OR1F1: variants seen among roughly 807,000 people sequenced by gnomAD.
The protein encoded by OR1F1 is olfactory receptor family 1 subfamily F member 1, also known as olfactory receptor 1F1.
For synonymous variants in OR1F1, 184 were observed against 156.7 expected (o/e 1.17, Z -1.30); for missense variants, 493 against 376.3 (o/e 1.31, Z -2.57).
the OR1F1 span, among the ~76,000 whole-genome samples, chr16:3,197,678 A>T: frequency 7.4e-6 from 1 of 134,646 alleles, no homozygotes; most frequent in African/African-American, 2.8e-5. Context: ...GGCTGGGGAG[A>T]GAGGGAGAGG....
At chr16:3,203,350 G>A (rs879896413), upstream of OR1F1, among the ~76,000 whole-genome samples, 3 of 152,200 alleles carry the variant, frequency 2.0e-5, no homozygotes, top group Non-Finnish European at 2.9e-5. Context: ...GAGATACTCA[G>A]CCTCAAAGCT....
At chr16:3,188,782 G>T in the OR1F1 span, among the ~76,000 whole-genome samples, 1 of 152,224 alleles carries the variant, frequency 6.6e-6, no homozygotes, top group Non-Finnish European at 1.5e-5. Flanking sequence ...ACAGGGAAGG[G>T]CAGAGTGACA....
At chr16:3,202,609 G>A (rs1161114066), upstream of OR1F1, among the ~76,000 whole-genome samples, 2 of 150,992 alleles carry the variant, frequency 1.3e-5, no homozygotes, top group African/African-American at 4.9e-5. Context: ...GGGCATGGTA[G>A]TGCACGCCTG....
chr16:3,193,147 G>C, the OR1F1 span, among the ~76,000 whole-genome samples: 5 of 151,958 alleles, frequency 3.3e-5, no homozygotes, highest in Non-Finnish European at 5.9e-5. Context: ...GGCTGGCCTC[G>C]AACTCCTGAC....
chr16:3,205,088 T>A lies in OR1F1; in HGVS notation c.842T>A (p.Val281Glu), dbSNP rs551098555. The change falls in exon 1 of 1, where the codon GTG becomes GAG. Residue 281 changes from valine (V) to glutamate (E), a missense_variant. Physicochemically the swap from Val to Glu is moderately radical, Grantham distance 121. Coordinates refer to ENST00000304646, the Ensembl canonical transcript of OR1F1. ...ATGGCTACTGTGTTGTATACAGTAG[T>A]GACTCCCATGCTAAACCCTTTCATC... The A allele has an allele frequency of 2.5e-5, 41 of 1,613,802 alleles. No homozygotes were observed. In the Admixed American group the frequency reaches 5.0e-4, roughly 20 times the overall value.
upstream of OR1F1, among the ~76,000 whole-genome samples, chr16:3,202,004 G>A (rs1958140213): frequency 6.6e-6 from 1 of 152,228 alleles, no homozygotes; most frequent in Non-Finnish European, 1.5e-5. Flanking sequence ...GGAGCAGTCA[G>A]GCAGCTGTAA....
upstream of OR1F1, among the ~76,000 whole-genome samples, chr16:3,201,299 T>C (rs972197712): frequency 6.6e-6 from 1 of 152,240 alleles, no homozygotes; most frequent in African/African-American, 2.4e-5. Flanking sequence ...AAATATCTGT[T>C]TGAGTCCCTG....
chr16:3,204,825 C>A, exon 1 of OR1F1: 1 of 1,614,162 alleles, frequency 6.2e-7, no homozygotes, highest in Non-Finnish European at 8.5e-7. Flanking sequence ...CAGACACACA[C>A]CTCAATGAGG....
the OR1F1 span, among the ~76,000 whole-genome samples, chr16:3,192,545 T>G: frequency 6.6e-6 from 1 of 152,238 alleles, no homozygotes; most frequent in Non-Finnish European, 1.5e-5. Context: ...GGGATGAGTA[T>G]CTTGAGCAGC....
At chr16:3,199,294 C>T (rs1239656539), upstream of OR1F1, among the ~76,000 whole-genome samples, 1 of 151,418 alleles carries the variant, frequency 6.6e-6, no homozygotes, top group East Asian at 1.9e-4. Flanking sequence ...CAGAGGGAGA[C>T]CCTACCTGAA....
At position 3,204,872 on chromosome 16, in the gene OR1F1, C is replaced by A. The variant is rs79515625; in HGVS notation, c.626C>A (p.Thr209Asn). ...AGTGAGGGTGCCCTGGTCATGATCA[C>A]CCCATTTCTTTGCATCCTGGCTTCT... The change falls in exon 1 of 1, where the codon ACC becomes AAC. Residue 209 changes from threonine (T) to asparagine (N), a missense_variant. By Grantham distance (65) the Thr-to-Asn change is moderately conservative. Coordinates refer to ENST00000304646, the Ensembl canonical transcript of OR1F1. 3.5e-4 allele frequency: 562 copies of A among 1,614,146 alleles called. No homozygotes were observed. The African/African-American group carries it at 6.5e-3, about 19-fold the overall frequency.
At chr16:3,193,913 T>C in the OR1F1 span, among the ~76,000 whole-genome samples, 2 of 152,180 alleles carry the variant, frequency 1.3e-5, no homozygotes, top group African/African-American at 4.8e-5. Context: ...GGGCACGTGG[T>C]AACTGCCCCA....
At chr16:3,189,713 G>C in the OR1F1 span, 1 of 152,086 alleles carries the variant, frequency 6.6e-6, no homozygotes, top group East Asian at 1.9e-4. Context: ...CCCGGCTTTT[G>C]GTGCAGGGTA....
chr16:3,197,246 T>C, the OR1F1 span, among the ~76,000 whole-genome samples: 3 of 151,900 alleles, frequency 2.0e-5, no homozygotes, highest in African/African-American at 7.3e-5. Context: ...CTGAAACTCT[T>C]GACCTCAGGT....
At chr16:3,205,080 T>C (rs1415773269) in exon 1 of OR1F1, 1 of 1,611,854 alleles carries the variant, frequency 6.2e-7, no homozygotes, top group East Asian at 2.2e-5. Context: ...CTGTGTTGTA[T>C]ACAGTAGTGA....
exon 1 of OR1F1, chr16:3,205,104 C>A (rs148030835): frequency 6.2e-7 from 1 of 1,613,948 alleles, no homozygotes; most frequent in African/African-American, 1.3e-5. Flanking sequence ...CCATGCTAAA[C>A]CCTTTCATCT....
chr16:3,199,523 G>T (rs1958112452), upstream of OR1F1, among the ~76,000 whole-genome samples: 1 of 151,768 alleles, frequency 6.6e-6, no homozygotes, highest in Admixed American at 6.6e-5. Flanking sequence ...TGTGTTGATG[G>T]TCTCACTATG....
At chr16:3,192,872 C>T in the OR1F1 span, among the ~76,000 whole-genome samples, 1 of 152,064 alleles carries the variant, frequency 6.6e-6, no homozygotes, top group Admixed American at 6.5e-5. Context: ...GTGTCTGACT[C>T]GCGCCGTCTG....
At chr16:3,205,402 A>G (rs1184938616), downstream of OR1F1, among the ~76,000 whole-genome samples, 3 of 151,936 alleles carry the variant, frequency 2.0e-5, no homozygotes, top group East Asian at 5.8e-4. Context: ...TGCACCCTCC[A>G]TCTCCCAGGC....
Sources: allele counts gnomAD v4.1 joint callset (sites outside exome capture counted in the v4.1 genomes callset), GRCh38; gene constraint gnomAD v4.1.1; transcripts MANE v1.5; gene names NCBI Gene and HGNC (gene_info 2026-07-23, HGNC 2026-07-21).